EDIL3: variants seen among roughly 807,000 people sequenced by gnomAD.
EDIL3 encodes the protein EGF like and discoidin domains 3, also known as EGF-like repeat and discoidin I-like domain-containing protein 3.
Under a neutral mutation model 67.4 loss-of-function variants are expected in EDIL3, and 37 were observed. The ratio of observed to expected loss-of-function variants is 0.55; its 90% confidence interval spans 0.42 to 0.72. The LOEUF (loss-of-function observed/expected upper bound fraction) is 0.72. Among genes scored for constraint, EDIL3 ranks in the 30% least tolerant of loss-of-function variants. EDIL3 has a pLI of 0.00. For missense variants in EDIL3, 527 were observed against 586.3 expected, an observed-to-expected ratio of 0.90 and a Z score of 1.04; for synonymous variants, 195 against 196.3, an observed-to-expected ratio of 0.99 and a Z score of 0.05.
At chr5:84,369,239 C>T (rs114331939) in intron 1 of EDIL3, among the ~76,000 whole-genome samples, 14 of 149,850 alleles carry the variant, frequency 9.3e-5, no homozygotes, top group African/African-American at 1.7e-4. Flanking sequence ...TAAACATACA[C>T]ACACATATAA....
intron 1 of EDIL3, among the ~76,000 whole-genome samples, chr5:84,360,623 A>AAACATTTGGT (rs1323450660): frequency 2.0e-5 from 3 of 152,198 alleles, no homozygotes; most frequent in Non-Finnish European, 4.4e-5. Context: ...TACCAAAATG[A>AAACATTTGGT]AAACTGGAGT....
intron 9 of EDIL3, among the ~76,000 whole-genome samples, chr5:84,004,764 AC>A (rs1745384190): frequency 6.6e-6 from 1 of 152,110 alleles, no homozygotes; most frequent in Admixed American, 6.6e-5. Context: ...ACCTAACATC[AC>A]ATCTAGAGGA....
intron 3 of EDIL3, among the ~76,000 whole-genome samples, chr5:84,227,487 A>G (rs1744474568): frequency 1.3e-5 from 2 of 152,126 alleles, no homozygotes; most frequent in South Asian, 4.1e-4. Context: ...TGGGAATGTA[A>G]ACTAGTTCAG....
At chr5:84,142,483 C>A (rs1479932375) in intron 4 of EDIL3, among the ~76,000 whole-genome samples, 1 of 152,016 alleles carries the variant, frequency 6.6e-6, no homozygotes, top group Non-Finnish European at 1.5e-5. Flanking sequence ...GTTTTCACTT[C>A]TGGGACATCA....
intron 5 of EDIL3, among the ~76,000 whole-genome samples, chr5:84,125,919 A>G (rs1275446758): frequency 6.6e-6 from 1 of 151,990 alleles, no homozygotes; most frequent in East Asian, 1.9e-4. Flanking sequence ...GTGATGGGGA[A>G]GGGGATGTGG....
intron 6 of EDIL3, among the ~76,000 whole-genome samples, chr5:84,087,060 C>G (rs1025217563): frequency 2.0e-5 from 3 of 152,148 alleles, no homozygotes; most frequent in African/African-American, 7.2e-5. Context: ...TTGGCCACAT[C>G]TATTGTTGGG....
chr5:84,285,985 C>A (rs867746557), intron 1 of EDIL3, among the ~76,000 whole-genome samples: 1 of 152,118 alleles, frequency 6.6e-6, no homozygotes. Flanking sequence ...TTATTGCTGG[C>A]GGCCAGAATC....
At chr5:84,052,048 G>T (rs909476630) in intron 9 of EDIL3, among the ~76,000 whole-genome samples, 5 of 152,192 alleles carry the variant, frequency 3.3e-5, no homozygotes, top group Admixed American at 2.0e-4. Context: ...AACGTTAAGG[G>T]CAGCCAGAGA....
chr5:84,297,893 T>C (rs1746083323), intron 1 of EDIL3, among the ~76,000 whole-genome samples: 1 of 152,128 alleles, frequency 6.6e-6, no homozygotes, highest in African/African-American at 2.4e-5. Context: ...AGCCCTGGAT[T>C]CTATCCAAGC....
intron 10 of EDIL3, among the ~76,000 whole-genome samples, chr5:83,946,790 G>A (rs1355337536): frequency 1.3e-5 from 2 of 151,836 alleles, no homozygotes; most frequent in African/African-American, 2.4e-5. Flanking sequence ...AGCAGTCATC[G>A]AATAGGACTC....
rs568857414 is a variant in EDIL3, at chr5:83,994,375, CA to C, written c.1138-31016del. On this transcript the variant is annotated intron_variant, in intron 9 of 10. Coordinates refer to ENST00000296591, the MANE Select transcript of EDIL3 (RefSeq NM_005711.5). ...CAGAAATCCAATGGGAACAATTTCA[CA>C]AGGCTTTTTTTTTTTTCATTTCAAT... Among the ~76,000 whole-genome samples, 38 of 94,602 alleles carry C rather than the reference CA, an allele frequency of 4.0e-4. No homozygotes were observed. The South Asian group carries it at 0.011, about 28-fold the overall frequency. 62.1% of individuals were successfully genotyped at this position (94,602 alleles called of 152,430 possible).
intron 2 of EDIL3, among the ~76,000 whole-genome samples, chr5:84,252,648 T>C (rs1745047631): frequency 6.6e-6 from 1 of 151,938 alleles, no homozygotes; most frequent in Non-Finnish European, 1.5e-5. Context: ...CAATTTGGGG[T>C]TGTTGGGCTT....
At chr5:84,151,958 C>G (rs114345071) in intron 4 of EDIL3, among the ~76,000 whole-genome samples, 2,492 of 150,332 alleles carry the variant, frequency 0.017, 72 homozygotes, top group African/African-American at 0.057. Context: ...CTGTAGCCCA[C>G]GCAGGAGAGC....
chr5:84,120,017 C>T (rs1012057849), intron 5 of EDIL3, among the ~76,000 whole-genome samples: 1 of 151,808 alleles, frequency 6.6e-6, no homozygotes, highest in Admixed American at 6.6e-5. Context: ...CCCCTTGGTA[C>T]CCAGCCAACT....
intron 1 of EDIL3, among the ~76,000 whole-genome samples, chr5:84,304,885 T>C (rs1473805246): frequency 6.6e-6 from 1 of 152,206 alleles, no homozygotes; most frequent in African/African-American, 2.4e-5. Context: ...TGGCAATGCT[T>C]TGGAAATATA....
At chr5:84,283,629 A>T (rs1745746541) in intron 1 of EDIL3, among the ~76,000 whole-genome samples, 1 of 152,148 alleles carries the variant, frequency 6.6e-6, no homozygotes, top group African/African-American at 2.4e-5. Flanking sequence ...GAACACGACT[A>T]CTTATAATTC....
chr5:84,202,271 G>A (rs1366524892), intron 3 of EDIL3, among the ~76,000 whole-genome samples: 1 of 151,958 alleles, frequency 6.6e-6, no homozygotes, highest in Non-Finnish European at 1.5e-5. Flanking sequence ...CGAGACCCTG[G>A]GTATCTACAA....
intron 6 of EDIL3, among the ~76,000 whole-genome samples, 196 bp from the exon 7 acceptor site, chr5:84,066,802 T>C (rs374842522): frequency 1.3e-5 from 2 of 152,202 alleles, no homozygotes. Flanking sequence ...TGGAATACTA[T>C]TTTTAAGTAA....
chr5:84,332,089 T>C (rs1334057001), intron 1 of EDIL3, among the ~76,000 whole-genome samples: 1 of 152,102 alleles, frequency 6.6e-6, no homozygotes, highest in Non-Finnish European at 1.5e-5. Flanking sequence ...ATAAAGTGGG[T>C]CAGGCATGGT....
Sources: gnomAD v4.1 joint callset for allele counts (sites outside exome capture counted in the v4.1 genomes callset) on GRCh38, gnomAD v4.1.1 for gene constraint, MANE v1.5 for transcripts, NCBI Gene and HGNC (gene_info 2026-07-23, HGNC 2026-07-21) for gene names.